ARB2A: variants seen among roughly 807,000 people sequenced by gnomAD.
ARB2A encodes the protein ARB2 cotranscriptional regulator A.
the ARB2A span, among the ~76,000 whole-genome samples, chr5:93,744,305 C>T: frequency 5.9e-5 from 9 of 151,388 alleles, no homozygotes; most frequent in Admixed American, 3.9e-4. Flanking sequence ...CATGGTGGCG[C>T]GGACCTGTAA....
At chr5:94,047,842 G>A in the ARB2A span, among the ~76,000 whole-genome samples, 1 of 152,090 alleles carries the variant, frequency 6.6e-6, no homozygotes, top group African/African-American at 2.4e-5. Flanking sequence ...TGATGCAGAT[G>A]CCAAAAAGGA....
the ARB2A span, among the ~76,000 whole-genome samples, chr5:93,658,535 A>T: frequency 5.3e-5 from 8 of 152,232 alleles, no homozygotes; most frequent in African/African-American, 1.7e-4. Context: ...AGATTATGGT[A>T]GTTAACAAAA....
chr5:93,711,495 G>C, the ARB2A span, among the ~76,000 whole-genome samples: 4 of 151,908 alleles, frequency 2.6e-5, no homozygotes, highest in African/African-American at 9.7e-5. Context: ...TTCCATAAAG[G>C]GTTTGGGGAT....
At chr5:93,930,930 A>T in the ARB2A span, among the ~76,000 whole-genome samples, 1 of 152,202 alleles carries the variant, frequency 6.6e-6, no homozygotes, top group East Asian at 1.9e-4. Context: ...TCAACCTGTC[A>T]TCTAGGTTTT....
chr5:93,754,026 A>T, the ARB2A span, among the ~76,000 whole-genome samples: 1 of 152,188 alleles, frequency 6.6e-6, no homozygotes, highest in African/African-American at 2.4e-5. Flanking sequence ...CGCTGGATAT[A>T]AGTAACCTTG....
chr5:93,716,780 C>T, the ARB2A span, among the ~76,000 whole-genome samples: 1 of 149,860 alleles, frequency 6.7e-6, no homozygotes, highest in Non-Finnish European at 1.5e-5. Context: ...TTTCAATCAA[C>T]CTCAAATGAC....
chr5:93,943,964 A>C, the ARB2A span, among the ~76,000 whole-genome samples: 1 of 152,082 alleles, frequency 6.6e-6, no homozygotes, highest in African/African-American at 2.4e-5. Context: ...AAACTAAAAA[A>C]CTCTAACTCA....
At chr5:93,994,336 A>G in the ARB2A span, among the ~76,000 whole-genome samples, 2 of 152,222 alleles carry the variant, frequency 1.3e-5, no homozygotes, top group African/African-American at 4.8e-5. Flanking sequence ...TTTCAACCTT[A>G]AAAAGAAGGA....
chr5:93,746,156 A>G, the ARB2A span, among the ~76,000 whole-genome samples: 1 of 151,886 alleles, frequency 6.6e-6, no homozygotes, highest in African/African-American at 2.4e-5. Flanking sequence ...TAAACTGTAT[A>G]AAGCAAAGTG....
At chr5:93,842,972 C>T in the ARB2A span, among the ~76,000 whole-genome samples, 7 of 152,156 alleles carry the variant, frequency 4.6e-5, no homozygotes, top group Admixed American at 2.0e-4. Flanking sequence ...CCCCCAAACC[C>T]CCGGGCCTTC....
the ARB2A span, among the ~76,000 whole-genome samples, chr5:93,766,494 A>C: frequency 6.6e-6 from 1 of 152,182 alleles, no homozygotes; most frequent in Non-Finnish European, 1.5e-5. Context: ...ATGAGATACC[A>C]TCTTACACCA....
chr5:93,629,711 G>T, the ARB2A span, among the ~76,000 whole-genome samples: 1 of 152,190 alleles, frequency 6.6e-6, no homozygotes, highest in South Asian at 2.1e-4. Context: ...AAAGAAAAAG[G>T]TAATGAATAA....
the ARB2A span, among the ~76,000 whole-genome samples, chr5:93,779,355 A>C: frequency 6.6e-6 from 1 of 152,098 alleles, no homozygotes; most frequent in Non-Finnish European, 1.5e-5. Context: ...TTAGAAGTCA[A>C]GTGTCTTTTG....
At chr5:93,876,721 CATT>C in the ARB2A span, among the ~76,000 whole-genome samples, 2 of 151,782 alleles carry the variant, frequency 1.3e-5, no homozygotes, top group African/African-American at 4.8e-5. Flanking sequence ...ATTAAACAAT[CATT>C]GTTTGTAATA....
the ARB2A span, among the ~76,000 whole-genome samples, chr5:93,911,611 G>A: frequency 2.0e-5 from 3 of 148,948 alleles, no homozygotes; most frequent in African/African-American, 7.4e-5. Flanking sequence ...AGTTCATGTT[G>A]TTTGTGGCAT....
chr5:94,027,768 C>T, the ARB2A span, among the ~76,000 whole-genome samples: 1 of 152,138 alleles, frequency 6.6e-6, no homozygotes, highest in African/African-American at 2.4e-5. Flanking sequence ...ATTCCGTGAG[C>T]CACTCTAGCA....
chr5:93,765,241 G>C, the ARB2A span, among the ~76,000 whole-genome samples: 1 of 152,176 alleles, frequency 6.6e-6, no homozygotes, highest in African/African-American at 2.4e-5. Context: ...ATTAGGAAAA[G>C]AGGAAGTCAA....
the ARB2A span, among the ~76,000 whole-genome samples, chr5:93,680,756 T>C: frequency 6.6e-6 from 1 of 152,090 alleles, no homozygotes; most frequent in Admixed American, 6.5e-5. Context: ...CACTACTTAA[T>C]TTGACCAGAA....
chr5:93,912,670 A>G, the ARB2A span, among the ~76,000 whole-genome samples: 1 of 151,924 alleles, frequency 6.6e-6, no homozygotes, highest in African/African-American at 2.4e-5. Flanking sequence ...TCTAAGAAAT[A>G]TTAAATGCAT....
Sources: gnomAD v4.1 joint callset for allele counts (sites outside exome capture counted in the v4.1 genomes callset) on GRCh38, gnomAD v4.1.1 for gene constraint, MANE v1.5 for transcripts, NCBI Gene and HGNC (gene_info 2026-07-23, HGNC 2026-07-21) for gene names.